Variants in SOX5 observed in about 807,000 individuals in gnomAD.
The protein encoded by SOX5 is SRY-box transcription factor 5.
SOX5 carries 9 observed loss-of-function variants against 92.0 expected under a neutral mutation model. The ratio of observed to expected loss-of-function variants is 0.10; its 90% CI spans 0.06 to 0.17. SOX5 has a LOEUF of 0.17. SOX5 is among the 10% of genes least tolerant of loss of function. SOX5 has a pLI of 1.00. For synonymous variants in SOX5, 344 were observed against 336.3 expected (o/e 1.02, Z -0.25); for missense variants, 642 against 944.5 (o/e 0.68, Z 4.20).
intron 1 of SOX5, among the ~76,000 whole-genome samples, chr12:23,907,053 C>G (rs2097301651): frequency 6.6e-6 from 1 of 151,976 alleles, no homozygotes; most frequent in South Asian, 2.1e-4. Context: ...TTTCTGCTTT[C>G]TATCAGAACA....
At chr12:23,586,204 A>C (rs749671025) in intron 9 of SOX5, among the ~76,000 whole-genome samples, 8 of 152,144 alleles carry the variant, frequency 5.3e-5, no homozygotes, top group Non-Finnish European at 2.9e-5. Context: ...TAAGACAACA[A>C]GGCCACTTAA....
intron 9 of SOX5, among the ~76,000 whole-genome samples, chr12:23,602,053 G>A (rs1411640189): frequency 6.6e-6 from 1 of 152,044 alleles, no homozygotes; most frequent in Non-Finnish European, 1.5e-5. Context: ...ACCACATAAA[G>A]TTTTCTTAAA....
At chr12:24,303,365 T>C (rs140368901) in intron 2 of SOX5, among the ~76,000 whole-genome samples, 16 of 152,044 alleles carry the variant, frequency 1.1e-4, no homozygotes, top group African/African-American at 3.4e-4. Context: ...ATCATGTTCA[T>C]AGGAATTCAA....
chr12:23,541,311 AATTG>A (rs1941991301), intron 13 of SOX5, among the ~76,000 whole-genome samples: 1 of 152,204 alleles, frequency 6.6e-6, no homozygotes, highest in Non-Finnish European at 1.5e-5. Context: ...CAGACACAAG[AATTG>A]AATAATATAA....
At chr12:24,527,782 G>A (rs1245152794) in intron 1 of SOX5, among the ~76,000 whole-genome samples, 3 of 152,176 alleles carry the variant, frequency 2.0e-5, no homozygotes, top group East Asian at 1.9e-4. Context: ...CATAGCACTA[G>A]CTAGTTTGTC....
chr12:23,767,519 C>A, intron 3 of SOX5, among the ~76,000 whole-genome samples: 1 of 151,990 alleles, frequency 6.6e-6, no homozygotes, highest in Non-Finnish European at 1.5e-5. Flanking sequence ...ATGGCAGGAC[C>A]AGAAATTACA....
chr12:23,718,491 A>G (rs994410180), intron 6 of SOX5, among the ~76,000 whole-genome samples: 101 of 152,364 alleles, frequency 6.6e-4, no homozygotes, highest in African/African-American at 2.3e-3. Context: ...ATTAGACCAC[A>G]GTAGGTTAAC....
At chr12:24,132,730 GCCA>G (rs975968519) in intron 4 of SOX5, among the ~76,000 whole-genome samples, 11 of 151,964 alleles carry the variant, frequency 7.2e-5, no homozygotes, top group Non-Finnish European at 1.5e-5. Flanking sequence ...AAGCAAAAAC[GCCA>G]CCACCAAATG....
chr12:23,567,639 A>G (rs1370955340), intron 10 of SOX5, among the ~76,000 whole-genome samples: 1 of 151,636 alleles, frequency 6.6e-6, no homozygotes, highest in African/African-American at 2.4e-5. Flanking sequence ...AAGTTTTTGT[A>G]GAGATGGAGT....
chr12:23,759,010 A>AACACAC (rs761303900), intron 3 of SOX5, among the ~76,000 whole-genome samples: 1 of 108,360 alleles, frequency 9.2e-6, no homozygotes, highest in Non-Finnish European at 1.9e-5. Flanking sequence ...GGCAACACAA[A>AACACAC]ACACACACAC....
chr12:23,931,917 A>G (rs1216265665), intron 1 of SOX5, among the ~76,000 whole-genome samples: 1 of 151,654 alleles, frequency 6.6e-6, no homozygotes, highest in Non-Finnish European at 1.5e-5. Context: ...CAGAGTAGAC[A>G]TTATGAATAT....
At chr12:23,854,127 C>T (rs886329458) in intron 2 of SOX5, among the ~76,000 whole-genome samples, 1 of 151,890 alleles carries the variant, frequency 6.6e-6, no homozygotes, top group Non-Finnish European at 1.5e-5. Flanking sequence ...GTATTCTGTA[C>T]CAAAATTTTT....
At chr12:23,665,692 G>T (rs930425237) in intron 6 of SOX5, 128 bp from the exon 7 acceptor site, 2 of 1,055,840 alleles carry the variant, frequency 1.9e-6, no homozygotes, top group Non-Finnish European at 2.7e-6. Flanking sequence ...GAAGCTTGCT[G>T]GGATACTGGG....
chr12:23,852,554 G>T (rs1414302072), intron 2 of SOX5, among the ~76,000 whole-genome samples: 1 of 152,062 alleles, frequency 6.6e-6, no homozygotes, highest in African/African-American at 2.4e-5. Context: ...TTCAGCAGAA[G>T]TCTAACTTGG....
chr12:23,734,838 T>C, intron 5 of SOX5, 86 bp from the exon 6 acceptor site: 1 of 1,001,076 alleles, frequency 1.0e-6, no homozygotes, highest in Non-Finnish European at 1.6e-6. Flanking sequence ...CAAAGTTTGA[T>C]TTGACACTGA....
intron 8 of SOX5, 143 bp downstream of exon 8, chr12:23,640,669 G>A: frequency 6.1e-6 from 4 of 659,554 alleles, no homozygotes; most frequent in Non-Finnish European, 5.4e-6. Flanking sequence ...TTCAACTTGT[G>A]GTTGAGGATC....
At chr12:24,430,777 C>A (rs567666663) in intron 1 of SOX5, among the ~76,000 whole-genome samples, 1 of 152,140 alleles carries the variant, frequency 6.6e-6, no homozygotes, top group East Asian at 1.9e-4. Context: ...CATTTTATCT[C>A]CTTTGTCAGC....
rs1948314023 is a variant in SOX5 at position 23,971,325 on chromosome 12, T to C, written c.-1-75301A>G. ...TTTTAGTAGAGACGGGATTTTACCGTGTTAGCCAGGAAGGTCTAGATCTCC... is the reference window on the plus strand; with the variant it reads ...TTTTAGTAGAGACGGGATTTTACCGCGTTAGCCAGGAAGGTCTAGATCTCC... On this transcript the variant is annotated intron_variant, in intron 4 of 4. Transcript: ENST00000446891. 2.6e-5 allele frequency among the ~76,000 whole-genome samples: 4 copies of C among 151,572 alleles called. No homozygotes were observed. In the South Asian group the frequency reaches 8.3e-4, roughly 32 times the overall value.
At chr12:23,574,699 T>C (rs1429683451) in intron 10 of SOX5, among the ~76,000 whole-genome samples, 1 of 152,200 alleles carries the variant, frequency 6.6e-6, no homozygotes, top group African/African-American at 2.4e-5. Context: ...CACCACACAT[T>C]TTTTTCTACA....
Sources: gnomAD v4.1 joint callset for allele counts (sites outside exome capture counted in the v4.1 genomes callset) on GRCh38, gnomAD v4.1.1 for gene constraint, MANE v1.5 for transcripts, NCBI Gene and HGNC (gene_info 2026-07-23, HGNC 2026-07-21) for gene names.